The following HERC2 variants were observed in gnomAD, a reference collection of about 807,000 sequenced individuals.
HERC2 encodes E3 ubiquitin-protein ligase HERC2.
A neutral mutation model predicts 537.7 loss-of-function variants in HERC2; 102 were observed. The ratio of observed to expected loss-of-function variants is 0.19; its 90% CI spans 0.16 to 0.22. HERC2 has a LOEUF of 0.22. Ranked by LOEUF, HERC2 falls within the 10% of genes least tolerant of loss-of-function variation. HERC2 has a pLI of 1.00. For missense variants in HERC2, 4,236 were observed against 6,198.2 expected, an observed-to-expected ratio of 0.68 and a Z score of 10.63; for synonymous variants, 2,224 against 2,466.2, an observed-to-expected ratio of 0.90 and a Z score of 2.91.
intron 69 of HERC2, among the ~76,000 whole-genome samples, chr15:28,154,518 C>A (rs1481882875): frequency 3.3e-5 from 5 of 152,172 alleles, no homozygotes; most frequent in African/African-American, 1.2e-4. Flanking sequence ...TGTGCAGAGT[C>A]GATCAGGGGC....
intron 9 of HERC2, among the ~76,000 whole-genome samples, chr15:28,271,772 G>C (rs1477418861): frequency 6.6e-6 from 1 of 152,186 alleles, no homozygotes; most frequent in East Asian, 1.9e-4. Context: ...ACTTGTACTT[G>C]ACATGTAAAG....
rs987610847 is a variant in HERC2, at chr15:28,265,413, C to A, written c.1870+205G>T. Among the ~76,000 whole-genome samples, 1 of 152,130 alleles carries A rather than the reference C, an allele frequency of 6.6e-6. No homozygotes were observed. On this transcript the variant is annotated intron_variant, in intron 14 of 92. Coordinates refer to ENST00000261609, the MANE Select transcript of HERC2 (RefSeq NM_004667.6). The surrounding 1 kb of genome is among the most constrained non-coding windows in gnomAD (Gnocchi z 4.0). ...AAATAAAATGCCCACACAGGAACGG[C>A]GGCAGCTGCTAACCAGCTGAGAGGC...
chr15:28,115,387 A>T (rs1281034060), intron 89 of HERC2, 42 bp downstream of exon 89: 1 of 1,384,608 alleles, frequency 7.2e-7, no homozygotes, highest in Admixed American at 1.8e-5. Context: ...TGTGCCTGTT[A>T]ACAAGACCCT....
At chr15:28,120,093 A>G (rs1311496709) in intron 86 of HERC2, among the ~76,000 whole-genome samples, 1 of 152,234 alleles carries the variant, frequency 6.6e-6, no homozygotes, top group Non-Finnish European at 1.5e-5. Flanking sequence ...GGCCTTGCCT[A>G]CAAGCTATAA....
At chr15:28,275,786 AAAAAT>A (rs763756750) in intron 5 of HERC2, among the ~76,000 whole-genome samples, 11 of 151,894 alleles carry the variant, frequency 7.2e-5, no homozygotes, top group African/African-American at 1.9e-4. Flanking sequence ...CCATCTCAAA[AAAAAT>A]AAAATAAAAT....
At chr15:28,190,684 A>C in intron 55 of HERC2, 1 of 489,038 alleles carries the variant, frequency 2.0e-6, no homozygotes, top group Non-Finnish European at 3.6e-6. Context: ...TCAGCAACCT[A>C]AAATGCCTGA....
At chr15:28,142,722 G>A in intron 75 of HERC2, 105 bp downstream of exon 75, 1 of 1,264,456 alleles carries the variant, frequency 7.9e-7, no homozygotes, top group East Asian at 2.4e-5. Context: ...AATACCTACA[G>A]CTGCCCTCAG....
chr15:28,262,544 A>G (rs992426125), intron 15 of HERC2, among the ~76,000 whole-genome samples: 19 of 152,228 alleles, frequency 1.2e-4, no homozygotes, highest in African/African-American at 4.3e-4. Flanking sequence ...ATGTGGCTCC[A>G]CAGCACAATG....
At chr15:28,139,590 T>C (rs1304485111) in intron 78 of HERC2, among the ~76,000 whole-genome samples, 4 of 152,158 alleles carry the variant, frequency 2.6e-5, no homozygotes, top group Non-Finnish European at 5.9e-5. Flanking sequence ...TAAATGTGTG[T>C]GAGACAGTAC....
intron 35 of HERC2, among the ~76,000 whole-genome samples, chr15:28,224,825 T>A (rs1374649279): frequency 6.6e-6 from 1 of 151,074 alleles, no homozygotes; most frequent in East Asian, 1.9e-4. Context: ...CAAAATGAAA[T>A]GAGAAATAAA....
Position 28,214,695 on chromosome 15 carries a change from G to C in HERC2, c.6318C>G (p.Ser2106Arg), listed in dbSNP as rs1899691296. 2 of 1,612,070 alleles carry C rather than the reference G, an allele frequency of 1.2e-6. No homozygotes were observed. The highest frequency in any genetic ancestry group is 1.7e-6 in the Non-Finnish European group (2 of 1,179,864). ...CGTCAGAGGAGCAGGTAGTGAGCAA[G>C]CTTCCCAAGAAGTCAAACAGCTTCT... is the stretch of plus-strand genomic sequence containing the variant. The part of the protein sequence containing the change: ...LVEKLFDFLG[S>R]LLTTCSSDVP... Residue 2106 changes from serine to arginine, a missense_variant, in exon 40 of 93, where the codon AGC (serine) becomes AGG (arginine). Physicochemically the swap from Ser to Arg is moderately radical, Grantham distance 110 (BLOSUM62 -1). Coordinates refer to ENST00000261609, the MANE Select transcript of HERC2 (RefSeq NM_004667.6).
intron 3 of HERC2, among the ~76,000 whole-genome samples, chr15:28,294,437 T>C (rs1451423498): frequency 1.3e-5 from 2 of 149,812 alleles, no homozygotes; most frequent in Non-Finnish European, 3.0e-5. Flanking sequence ...CCACGGAAAG[T>C]AGATACAGAA....
In HERC2 at chr15:28,175,555, G is replaced by C. The variant is rs1334315622; in HGVS notation, c.9788C>G (p.Ala3263Gly). The C allele has an allele frequency of 6.2e-7, 1 of 1,613,928 alleles. No homozygotes were observed. The highest frequency in any genetic ancestry group is 1.3e-5 in the African/African-American group (1 of 75,030). The change falls in exon 64 of 93, where the codon GCT becomes GGT. Residue 3263 changes from alanine (A) to glycine (G), a missense_variant. Physicochemically the swap from Ala to Gly is moderately conservative, Grantham distance 60. Coordinates refer to ENST00000261609, the MANE Select transcript of HERC2 (RefSeq NM_004667.6). ...GLRGKKIVHVAVGALHCLAVT... is the reference protein window; with the variant it reads ...GLRGKKIVHVGVGALHCLAVT... ...CGCCAGGCAGTGCAGGGCCCCGACAGCCACATGCACGATCTTCTTCCCTCT... is the reference window on the plus strand; with the variant it reads ...CGCCAGGCAGTGCAGGGCCCCGACACCCACATGCACGATCTTCTTCCCTCT...
intron 2 of HERC2, chr15:28,320,483 A>C (rs1283365937): frequency 1.2e-4 from 18 of 152,186 alleles, no homozygotes; most frequent in Admixed American, 1.2e-3. Flanking sequence ...AAAGAAAAAA[A>C]AAATTAGGAA....
intron 69 of HERC2, among the ~76,000 whole-genome samples, chr15:28,157,279 C>T (rs1893104771): frequency 6.6e-6 from 1 of 152,162 alleles, no homozygotes; most frequent in Non-Finnish European, 1.5e-5. Flanking sequence ...AGGGAGGATT[C>T]CCTCTTTTTC....
intron 70 of HERC2, among the ~76,000 whole-genome samples, chr15:28,149,773 CAATG>C (rs1892212406): frequency 6.6e-6 from 1 of 151,006 alleles, no homozygotes; most frequent in Non-Finnish European, 1.5e-5. Flanking sequence ...ACGGTCACAC[CAATG>C]TATATTCTAG....
At chr15:28,162,445 G>A (rs1893701280) in intron 69 of HERC2, among the ~76,000 whole-genome samples, 1 of 151,918 alleles carries the variant, frequency 6.6e-6, no homozygotes, top group South Asian at 2.1e-4. Context: ...TGACAGATTT[G>A]ACCACATAAT....
chr15:28,255,544 G>A (rs1001179358), intron 19 of HERC2, among the ~76,000 whole-genome samples: 1 of 152,168 alleles, frequency 6.6e-6, no homozygotes, highest in African/African-American at 2.4e-5. Context: ...ACTCAGAGCA[G>A]GAAAAATGAA....
In HERC2 at chr15:28,256,082, G is replaced by C. The variant is rs761769871; in HGVS notation, c.2746+7C>G. 6.2e-7 allele frequency: 1 copy of C among 1,603,434 alleles called. No homozygotes were observed. The highest frequency in any genetic ancestry group is 8.5e-7 in the Non-Finnish European group (1 of 1,178,700). The stretch of plus-strand genomic sequence containing the variant: ...CATGCCCTCTCCTGTTCCTTCCCCA[G>C]GCCCACCTGCGCAGGGCAGGAGAGC... On this transcript the variant is annotated splice_region_variant and intron_variant, in intron 18 of 92. Transcript: ENST00000261609.
Sources: gnomAD v4.1 joint callset for allele counts (sites outside exome capture counted in the v4.1 genomes callset) on GRCh38, gnomAD v4.1.1 for gene constraint, Gnocchi (gnomAD v3.1) non-coding constraint, MANE v1.5 for transcripts, NCBI Gene and HGNC (gene_info 2026-07-23, HGNC 2026-07-21) for gene names.